SGCZ: variants seen among roughly 807,000 people sequenced by gnomAD.
SGCZ encodes sarcoglycan zeta.
Under a neutral mutation model 41.3 loss-of-function variants are expected in SGCZ, and 40 were observed. The ratio of observed to expected loss-of-function variants is 0.97; its 90% CI spans 0.75 to 1.26. The LOEUF is 1.26. Ranked by LOEUF, SGCZ falls within the 50% of genes most tolerant of loss-of-function variation. The probability of loss-of-function intolerance (pLI) is 0.00; values close to 1 mark genes in which losing one functional copy is unlikely to be tolerated. For missense variants in SGCZ, 552 were observed against 369.8 expected, an observed-to-expected ratio of 1.49 and a Z score of -4.04; for synonymous variants, 206 against 137.5, an observed-to-expected ratio of 1.50 and a Z score of -3.49.
At chr8:14,692,498 G>C (rs920715146) in intron 1 of SGCZ, among the ~76,000 whole-genome samples, 1 of 152,000 alleles carries the variant, frequency 6.6e-6, no homozygotes, top group African/African-American at 2.4e-5. Context: ...AAGTAATCTT[G>C]GTTTATATTT....
At chr8:14,890,153 G>A (rs1183509266) in intron 1 of SGCZ, among the ~76,000 whole-genome samples, 2 of 151,846 alleles carry the variant, frequency 1.3e-5, no homozygotes, top group Admixed American at 6.6e-5. Context: ...GGAGGCGGAA[G>A]TTGCAGTGAG....
intron 2 of SGCZ, among the ~76,000 whole-genome samples, chr8:14,543,340 A>G (rs916417382): frequency 2.0e-5 from 3 of 152,040 alleles, no homozygotes; most frequent in South Asian, 2.1e-4. Context: ...ATTGTGATGT[A>G]TATTAATTAT....
At chr8:15,101,714 G>A (rs922244147) in intron 1 of SGCZ, among the ~76,000 whole-genome samples, 1 of 152,114 alleles carries the variant, frequency 6.6e-6, no homozygotes, top group Non-Finnish European at 1.5e-5. Flanking sequence ...GCAGATACTT[G>A]AAGTCAGGCA....
intron 2 of SGCZ, among the ~76,000 whole-genome samples, chr8:14,388,666 G>C (rs1381770355): frequency 6.6e-6 from 1 of 151,924 alleles, no homozygotes; most frequent in East Asian, 1.9e-4. Flanking sequence ...TCCAATTTTA[G>C]CTTTCCAAAG....
At chr8:14,986,774 G>A (rs1487450424) in intron 1 of SGCZ, among the ~76,000 whole-genome samples, 1 of 151,912 alleles carries the variant, frequency 6.6e-6, no homozygotes, top group African/African-American at 2.4e-5. Context: ...AGAAGCCTAA[G>A]GCAAACTTCT....
At chr8:14,622,340 T>C (rs1422246023) in intron 1 of SGCZ, among the ~76,000 whole-genome samples, 7 of 152,174 alleles carry the variant, frequency 4.6e-5, no homozygotes, top group African/African-American at 1.4e-4. Flanking sequence ...TATGAGTTTC[T>C]TGGGGTCAGG....
intron 2 of SGCZ, among the ~76,000 whole-genome samples, chr8:14,477,821 G>T (rs1801404917): frequency 6.6e-6 from 1 of 152,194 alleles, no homozygotes; most frequent in South Asian, 2.1e-4. Context: ...TAATTTTTCA[G>T]CTGAGGTTTT....
intron 5 of SGCZ, among the ~76,000 whole-genome samples, chr8:14,158,092 T>G (rs1190949752): frequency 1.7e-4 from 26 of 151,724 alleles, no homozygotes; most frequent in Non-Finnish European, 5.9e-5. Context: ...TAAGTTATTT[T>G]CACATGTCTT....
chr8:14,902,147 C>T (rs4831660), intron 1 of SGCZ, among the ~76,000 whole-genome samples: 5,843 of 152,160 alleles, frequency 0.038, 361 homozygotes, highest in African/African-American at 0.13. Context: ...AAGGGAAACA[C>T]GAACAAAAGC....
intron 1 of SGCZ, among the ~76,000 whole-genome samples, chr8:15,139,115 ATGAATGCCTTTGC>A (rs1171537375): frequency 3.9e-5 from 6 of 152,182 alleles, no homozygotes; most frequent in Non-Finnish European, 8.8e-5. Context: ...AGGCCAGAAC[ATGAATGCCTTTGC>A]TGAGGGCTTG....
chr8:14,420,495 T>C (rs1799609918), intron 2 of SGCZ, among the ~76,000 whole-genome samples: 1 of 152,134 alleles, frequency 6.6e-6, no homozygotes, highest in East Asian at 1.9e-4. Flanking sequence ...ATTTGCTGTC[T>C]ATTGCTCAGG....
intron 1 of SGCZ, among the ~76,000 whole-genome samples, chr8:15,117,073 A>T (rs1044700078): frequency 1.3e-5 from 2 of 152,226 alleles, no homozygotes; most frequent in Non-Finnish European, 2.9e-5. Context: ...TATTTCACTT[A>T]TAAGTATAAA....
At chr8:14,910,951 C>T (rs1432748189) in intron 1 of SGCZ, among the ~76,000 whole-genome samples, 1 of 151,950 alleles carries the variant, frequency 6.6e-6, no homozygotes, top group African/African-American at 2.4e-5. Flanking sequence ...ACAATCTATT[C>T]CCCAGAACAA....
chr8:14,105,806 T>G (rs1470269780), intron 6 of SGCZ, among the ~76,000 whole-genome samples: 3 of 152,156 alleles, frequency 2.0e-5, no homozygotes, highest in Non-Finnish European at 4.4e-5. Flanking sequence ...GTCAGCAAGA[T>G]AATTAAAATA....
intron 3 of SGCZ, among the ~76,000 whole-genome samples, chr8:14,243,842 C>T (rs1340268760): frequency 2.6e-5 from 4 of 152,258 alleles, no homozygotes; most frequent in Admixed American, 2.0e-4. Context: ...GTGTTGACAT[C>T]GATCACAGTA....
At chr8:14,869,389 C>T (rs1046202681) in intron 1 of SGCZ, among the ~76,000 whole-genome samples, 4 of 152,048 alleles carry the variant, frequency 2.6e-5, no homozygotes, top group South Asian at 2.1e-4. Context: ...AATTCAACAC[C>T]GCTTCATGCT....
chr8:14,893,996 T>G (rs1034907091), intron 1 of SGCZ, among the ~76,000 whole-genome samples: 1 of 152,172 alleles, frequency 6.6e-6, no homozygotes, highest in Non-Finnish European at 1.5e-5. Flanking sequence ...AGAAGTGATA[T>G]CTATATCAAA....
intron 1 of SGCZ, among the ~76,000 whole-genome samples, chr8:14,979,593 C>A (rs76876231): frequency 6.6e-6 from 1 of 152,236 alleles, no homozygotes; most frequent in African/African-American, 2.4e-5. Context: ...ATAAAGCAAC[C>A]TTGGCCATAA....
At chr8:14,094,665 T>C (rs6999144) in intron 7 of SGCZ, among the ~76,000 whole-genome samples, 15,784 of 152,154 alleles carry the variant, frequency 0.1, 831 homozygotes, top group African/African-American at 0.14. Flanking sequence ...ACGGGATTGA[T>C]GGGTCAAATG....
Sources: allele counts gnomAD v4.1 joint callset (sites outside exome capture counted in the v4.1 genomes callset), GRCh38; gene constraint gnomAD v4.1.1; transcripts MANE v1.5; gene names NCBI Gene and HGNC (gene_info 2026-07-23, HGNC 2026-07-21).